The following CNTN1 variants were observed in gnomAD, a reference collection of about 807,000 sequenced individuals.
CNTN1 encodes contactin-1.
Under a neutral mutation model 126.4 loss-of-function variants are expected in CNTN1, and 38 were observed. The observed-to-expected ratio is 0.30, with a 90% CI of 0.23 to 0.39. The LOEUF (loss-of-function observed/expected upper bound fraction) is 0.39, where lower values mean the gene tolerates loss of function less well. Ranked by LOEUF, CNTN1 falls within the 10% of genes least tolerant of loss-of-function variation. CNTN1 has a pLI of 1.00. For synonymous variants in CNTN1, 413 were observed against 422.6 expected (o/e 0.98, Z 0.28); for missense variants, 1,009 against 1,248.4 (o/e 0.81, Z 2.89).
chr12:41,051,885 C>T (rs1190089985), intron 23 of CNTN1, among the ~76,000 whole-genome samples: 2 of 140,854 alleles, frequency 1.4e-5, no homozygotes, highest in Non-Finnish European at 3.0e-5. Context: ...TAACATCCAC[C>T]CCACACAAAC....
At chr12:40,811,899 C>T (rs935175891) in intron 1 of CNTN1, among the ~76,000 whole-genome samples, 6 of 147,620 alleles carry the variant, frequency 4.1e-5, no homozygotes, top group African/African-American at 1.2e-4. Flanking sequence ...CTTATTTCTG[C>T]TCTGATTTTG....
rs575537148 is a variant in CNTN1, at chr12:40,988,924, C to T, written c.1964-4196C>T. Among the ~76,000 whole-genome samples the T allele has an allele frequency of 5.7e-4, 87 of 152,274 alleles. 2 individuals carry two copies. Among genetic ancestry groups the T allele is most frequent in the African/African-American group, 1.9e-3 (78 of 41,550 alleles). On this transcript the variant is annotated intron_variant, in intron 16 of 23. Coordinates refer to ENST00000551295, the MANE Select transcript of CNTN1 (RefSeq NM_001843.4). ...TGTATTGCCTGACTCAGAACTGACC[C>T]GGTTAAAAATCAGGTCTAGAACAAG...
rs73116768 is a variant in CNTN1 at position 40,813,258 on chromosome 12, C to T, written c.-76-95099C>T. 9.3e-3 allele frequency among the ~76,000 whole-genome samples: 1,385 copies of T among 149,456 alleles called. 17 individuals carry two copies. The highest frequency in any genetic ancestry group is 0.031 in the African/African-American group (1,279 of 40,786). On this transcript the variant is annotated intron_variant, in intron 1 of 23. Coordinates refer to ENST00000551295, the MANE Select transcript of CNTN1 (RefSeq NM_001843.4). ...AAAAAAAAAAAACAGGATTCATGTGCAGAACATGCAGATTTGTTACATAAG... is the reference window on the plus strand; with the variant it reads ...AAAAAAAAAAAACAGGATTCATGTGTAGAACATGCAGATTTGTTACATAAG...
chr12:40,729,684 A>T, intron 1 of CNTN1: 1 of 208,114 alleles, frequency 4.8e-6, no homozygotes, highest in South Asian at 9.0e-5. Flanking sequence ...CATTGTGCCT[A>T]AAATAAAGCA....
intron 15 of CNTN1, chr12:40,971,679 T>C (rs1341551847): frequency 1.3e-5 from 18 of 1,423,480 alleles, no homozygotes; most frequent in Non-Finnish European, 8.2e-6. Context: ...GGCATAAATA[T>C]TTTTTAAAAT....
At chr12:40,903,886 C>A (rs1944704165) in intron 1 of CNTN1, among the ~76,000 whole-genome samples, 1 of 152,128 alleles carries the variant, frequency 6.6e-6, no homozygotes, top group African/African-American at 2.4e-5. Flanking sequence ...GCCCAATAAA[C>A]CACATATTTC....
intron 15 of CNTN1, 137 bp downstream of exon 15, chr12:40,959,371 C>T (rs1947022896): frequency 1.1e-6 from 1 of 930,754 alleles, no homozygotes; most frequent in South Asian, 1.4e-5. Context: ...GGATCTTAAG[C>T]TTCTTCCCAT....
chr12:40,995,361 G>A (rs997914053), intron 17 of CNTN1, among the ~76,000 whole-genome samples: 5 of 151,934 alleles, frequency 3.3e-5, no homozygotes, highest in African/African-American at 9.7e-5. Context: ...AAACACTGAA[G>A]TTTGGCAAGT....
chr12:40,879,666 G>T (rs571223579), intron 1 of CNTN1, among the ~76,000 whole-genome samples: 1 of 152,146 alleles, frequency 6.6e-6, no homozygotes, highest in South Asian at 2.1e-4. Context: ...CTAACTGAAG[G>T]CTGAAATAAA....
chr12:40,764,585 G>A (rs1939003178), intron 1 of CNTN1, among the ~76,000 whole-genome samples: 1 of 152,098 alleles, frequency 6.6e-6, no homozygotes, highest in African/African-American at 2.4e-5. Context: ...TGGTATAGAA[G>A]ATTTACTTCT....
intron 1 of CNTN1, among the ~76,000 whole-genome samples, chr12:40,769,142 A>G (rs1156745014): frequency 6.6e-6 from 1 of 152,158 alleles, no homozygotes; most frequent in Non-Finnish European, 1.5e-5. Context: ...TCTGTGTGGA[A>G]TTATAAAGTA....
intron 1 of CNTN1, among the ~76,000 whole-genome samples, chr12:40,870,034 A>G (rs962777505): frequency 6.6e-6 from 1 of 152,158 alleles, no homozygotes; most frequent in Non-Finnish European, 1.5e-5. Flanking sequence ...TGGGTCTCAC[A>G]AGATCTGATG....
intron 1 of CNTN1, among the ~76,000 whole-genome samples, chr12:40,870,728 T>G (rs536767402): frequency 6.6e-6 from 1 of 152,098 alleles, no homozygotes; most frequent in Non-Finnish European, 1.5e-5. Flanking sequence ...GCAGAATAGA[T>G]GCACATAAGA....
intron 1 of CNTN1, among the ~76,000 whole-genome samples, chr12:40,841,726 T>A (rs766131356): frequency 1.3e-5 from 2 of 151,900 alleles, no homozygotes; most frequent in African/African-American, 2.4e-5. Flanking sequence ...AAATTTAATA[T>A]CCCTTTATGA....
intron 1 of CNTN1, among the ~76,000 whole-genome samples, chr12:40,790,764 T>C (rs1940191787): frequency 6.6e-6 from 1 of 152,132 alleles, no homozygotes; most frequent in African/African-American, 2.4e-5. Context: ...TCTTTTTTTG[T>C]CCATACATTC....
chr12:40,695,640 TTTG>T (rs1330455361), intron 1 of CNTN1, among the ~76,000 whole-genome samples: 1 of 152,196 alleles, frequency 6.6e-6, no homozygotes, highest in African/African-American at 2.4e-5. Context: ...AATTCCAATG[TTTG>T]TTTTCTTTTT....
At chr12:40,927,538 T>C (rs1157290277) in intron 6 of CNTN1, among the ~76,000 whole-genome samples, 3 of 152,100 alleles carry the variant, frequency 2.0e-5, no homozygotes, top group Admixed American at 2.0e-4. Flanking sequence ...GGATCCCCCA[T>C]TTAAAAATGG....
intron 23 of CNTN1, among the ~76,000 whole-genome samples, chr12:41,057,107 T>A (rs1426562743): frequency 7.1e-6 from 1 of 140,228 alleles, no homozygotes; most frequent in Non-Finnish European, 1.5e-5. Flanking sequence ...TTTAGATATT[T>A]ATAAATATTA....
intron 1 of CNTN1, among the ~76,000 whole-genome samples, chr12:40,836,422 T>G (rs1785265513): frequency 6.6e-6 from 1 of 151,746 alleles, no homozygotes; most frequent in Non-Finnish European, 1.5e-5. Flanking sequence ...AACACACTAA[T>G]TTATTAATTA....
Sources: allele counts gnomAD v4.1 joint callset (sites outside exome capture counted in the v4.1 genomes callset), GRCh38; gene constraint gnomAD v4.1.1; transcripts MANE v1.5; gene names NCBI Gene and HGNC (gene_info 2026-07-23, HGNC 2026-07-21).